The following PARVB variants were observed in gnomAD, a reference collection of about 807,000 sequenced individuals.
PARVB encodes the protein beta-parvin.
Under a neutral mutation model 47.0 loss-of-function variants are expected in PARVB, and 46 were observed. The observed-to-expected ratio is 0.98, with a 90% CI of 0.77 to 1.25. The LOEUF is 1.25. PARVB is among the 50% of genes most tolerant of loss of function. The pLI is 0.00. For synonymous variants in PARVB, 196 were observed against 196.3 expected, an observed-to-expected ratio of 1.00 and a Z score of 0.01; for missense variants, 473 against 471.6, an observed-to-expected ratio of 1.00 and a Z score of -0.03.
intron 12 of PARVB, among the ~76,000 whole-genome samples, chr22:44,165,140 T>A (rs976697652): frequency 1.3e-5 from 2 of 152,172 alleles, no homozygotes; most frequent in African/African-American, 2.4e-5. Flanking sequence ...CTAAGGCGCA[T>A]ACCACCATGC....
Position 44,100,117 on chromosome 22 carries a change from G to C in PARVB, c.267G>C (p.Leu89=), listed in dbSNP as rs758338767. 1.2e-6 allele frequency: 2 copies of C among 1,613,206 alleles called. No individual in the cohort carries two copies. The highest frequency in any genetic ancestry group is 2.2e-5 in the East Asian group (1 of 44,864). Residue 89 remains leucine, a synonymous_variant, in exon 3 of 13, where the codon CTG becomes CTC. Coordinates refer to ENST00000338758, the MANE Select transcript of PARVB (RefSeq NM_013327.5). Reference sequence around the variant, plus strand: ...AGGAAGACCCCAAGTTCAAGGAACTGGTCAAGGTAAGGAGCTCCGTCTTGG... The same window carrying C: ...AGGAAGACCCCAAGTTCAAGGAACTCGTCAAGGTAAGGAGCTCCGTCTTGG... ...TSKEDPKFKE[L]VKVLLDWIND...
chr22:44,032,554 G>A (rs1259479097), intron 1 of PARVB, among the ~76,000 whole-genome samples: 1 of 152,140 alleles, frequency 6.6e-6, no homozygotes, highest in Non-Finnish European at 1.5e-5. Context: ...TGGATCTGTT[G>A]CTTCTTCTCT....
Position 44,040,694 on chromosome 22 carries a change from G to A in PARVB, c.112+16243G>A, listed in dbSNP as rs540678661. Reference sequence around the variant, plus strand: ...CCAGTGAGACCCATTTTGGAGTCCTGGCATCCGGAACCACAAGATAGAAAT... The same window carrying A: ...CCAGTGAGACCCATTTTGGAGTCCTAGCATCCGGAACCACAAGATAGAAAT... On this transcript the variant is annotated intron_variant, in intron 1 of 12. Transcript: ENST00000338758. Among the ~76,000 whole-genome samples, 12 of 152,286 alleles carry A rather than the reference G, an allele frequency of 7.9e-5. No individual in the cohort carries two copies. In the South Asian group the frequency reaches 2.1e-3, roughly 26 times the overall value.
At chr22:44,098,040 G>A (rs1036434352) in intron 2 of PARVB, among the ~76,000 whole-genome samples, 2 of 152,218 alleles carry the variant, frequency 1.3e-5, no homozygotes, top group Non-Finnish European at 2.9e-5. Context: ...TTCCCTGTGG[G>A]GGCCACATGA....
At chr22:44,069,034 C>T in intron 1 of PARVB, 1 of 1,318,400 alleles carries the variant, frequency 7.6e-7, no homozygotes, top group Non-Finnish European at 1.1e-6. Flanking sequence ...GAGGCTTTCC[C>T]TTGAAGTGCA....
chr22:44,138,740 G>A (rs985413096), intron 7 of PARVB, among the ~76,000 whole-genome samples: 20 of 152,124 alleles, frequency 1.3e-4, no homozygotes, highest in African/African-American at 4.8e-4. Flanking sequence ...TTGGCTTCCT[G>A]TTAGTTCCCT....
chr22:44,002,131 C>T (rs1196575804), intron 2 of PARVB, among the ~76,000 whole-genome samples: 3 of 152,246 alleles, frequency 2.0e-5, no homozygotes, highest in Non-Finnish European at 2.9e-5. Context: ...GTGCAAATGT[C>T]AACCCAGTGA....
rs1001112496 is a variant in PARVB at position 44,089,129 on chromosome 22, A to T, written c.113-4799A>T. On this transcript the variant is annotated intron_variant, in intron 1 of 12. Transcript: ENST00000338758. The surrounding 1 kb of genome is among the most constrained non-coding windows in gnomAD (Gnocchi z 4.0). ...GTGCCAAGGGGCCCTCCTCCTATCA[A>T]ATGCCCTCCTGTCTCTCTCTTCCTA... 6.6e-6 allele frequency among the ~76,000 whole-genome samples: 1 copy of T among 152,018 alleles called. No individual in the cohort carries two copies. Among genetic ancestry groups the T allele is most frequent in the East Asian group, 1.9e-4 (1 of 5,170 alleles).
At chr22:44,055,674 CTCTCTA>C (rs1013276995) in intron 1 of PARVB, among the ~76,000 whole-genome samples, 10 of 137,070 alleles carry the variant, frequency 7.3e-5, no homozygotes, top group East Asian at 4.4e-4. Context: ...CTCTCTCTCT[CTCTCTA>C]TATATATATA....
intron 1 of PARVB, chr22:44,026,502 T>C (rs930139002): frequency 3.3e-5 from 7 of 209,936 alleles, no homozygotes; most frequent in Admixed American, 6.5e-5. Context: ...TTTAGCGGCT[T>C]CTGTGTGGTC....
rs955846121 is a variant in PARVB at position 44,125,407 on chromosome 22, T to C, written c.377-6080T>C. Among the ~76,000 whole-genome samples the C allele has an allele frequency of 6.6e-6, 1 of 151,938 alleles. No homozygotes were observed. ...GGAGTGGTTCAACCTGAAACCTAGA[T>C]GATGTTTTAAAGGAATGACAAGTGC... On this transcript the variant is annotated intron_variant, in intron 4 of 12. Coordinates refer to ENST00000338758, the MANE Select transcript of PARVB (RefSeq NM_013327.5). The surrounding 1 kb of genome is among the most constrained non-coding windows in gnomAD (Gnocchi z 4.1).
intron 2 of PARVB, among the ~76,000 whole-genome samples, chr22:43,999,834 G>GAAAAAAAAA (rs113458130): frequency 2.9e-5 from 2 of 69,360 alleles, no homozygotes; most frequent in Admixed American, 1.8e-4. Context: ...CCATCTATAT[G>GAAAAAAAAA]AAAAAAAAAA....
At chr22:44,033,596 C>T (rs1371400372) in intron 1 of PARVB, among the ~76,000 whole-genome samples, 1 of 152,160 alleles carries the variant, frequency 6.6e-6, no homozygotes, top group Non-Finnish European at 1.5e-5. Flanking sequence ...AAGTGATGAG[C>T]TTGGTTTTGG....
chr22:44,061,057 C>G (rs2051409249), intron 1 of PARVB, among the ~76,000 whole-genome samples: 1 of 152,216 alleles, frequency 6.6e-6, no homozygotes, highest in Non-Finnish European at 1.5e-5. Context: ...CCTGTGCGTT[C>G]TCTGCAAGGC....
chr22:44,045,652 A>G (rs1255903406), intron 1 of PARVB, among the ~76,000 whole-genome samples: 1 of 151,642 alleles, frequency 6.6e-6, no homozygotes, highest in Non-Finnish European at 1.5e-5. Context: ...CTCTCCCATC[A>G]CTCTTGTCTC....
chr22:44,044,672 G>A (rs1020318264), intron 1 of PARVB, among the ~76,000 whole-genome samples: 48 of 151,914 alleles, frequency 3.2e-4, no homozygotes, highest in African/African-American at 9.4e-4. Context: ...TTTTAGTAGA[G>A]ACGGGGTTTT....
intron 7 of PARVB, chr22:44,138,853 A>G (rs1256978843): frequency 2.0e-5 from 3 of 152,112 alleles, no homozygotes; most frequent in Admixed American, 6.6e-5. Context: ...TCTCCAGGGG[A>G]TGTTAATTTC....
intron 2 of PARVB, among the ~76,000 whole-genome samples, chr22:44,095,584 G>A (rs141614768): frequency 1.2e-3 from 176 of 152,182 alleles, no homozygotes; most frequent in African/African-American, 3.3e-3. Flanking sequence ...AGAGCTGCCC[G>A]CGGCCTGGGC....
At chr22:44,122,502 G>GAGAGAGAGAC (rs2053072642) in intron 4 of PARVB, among the ~76,000 whole-genome samples, 1 of 90,676 alleles carries the variant, frequency 1.1e-5, no homozygotes, top group Non-Finnish European at 2.0e-5. Flanking sequence ...GAGAGAGAGA[G>GAGAGAGAGAC]AGAGAGAGAG....
Sources: allele counts gnomAD v4.1 joint callset (sites outside exome capture counted in the v4.1 genomes callset), GRCh38; gene constraint gnomAD v4.1.1; non-coding constraint Gnocchi (gnomAD v3.1); transcripts MANE v1.5; gene names NCBI Gene and HGNC (gene_info 2026-07-23, HGNC 2026-07-21).